Variants in TCF4 observed in about 807,000 individuals in gnomAD.
TCF4 encodes the protein transcription factor 4.
TCF4 carries 3 observed loss-of-function variants against 82.1 expected under a neutral mutation model. That is an observed-to-expected ratio of 0.04 (90% CI 0.02 to 0.09). The LOEUF (loss-of-function observed/expected upper bound fraction) is 0.09. Ranked by LOEUF, TCF4 falls within the 10% of genes least tolerant of loss-of-function variation. The pLI, the probability that TCF4 is intolerant of heterozygous loss-of-function variation, is 1.00. For missense variants in TCF4, 518 were observed against 852.7 expected (o/e 0.61, Z 4.89); for synonymous variants, 276 against 309.6 (o/e 0.89, Z 1.14).
At chr18:55,359,421 T>C (rs1014679214) in intron 6 of TCF4, among the ~76,000 whole-genome samples, 5 of 152,236 alleles carry the variant, frequency 3.3e-5, no homozygotes, top group Non-Finnish European at 5.9e-5. Context: ...TAACTCTTTT[T>C]CCTCCTTTCT....
At chr18:55,302,662 G>A in intron 8 of TCF4, 1 of 1,466,942 alleles carries the variant, frequency 6.8e-7, no homozygotes, top group Non-Finnish European at 9.0e-7. Flanking sequence ...CCTGTGGCTG[G>A]CCTAGGGGTG....
chr18:55,297,821 G>C (rs1431614789), intron 8 of TCF4, among the ~76,000 whole-genome samples: 4 of 152,008 alleles, frequency 2.6e-5, no homozygotes, highest in Non-Finnish European at 5.9e-5. Context: ...TCCAAGGACA[G>C]TTTGAGTATC....
chr18:55,533,419 G>C (rs2097087628), intron 3 of TCF4, among the ~76,000 whole-genome samples: 1 of 152,138 alleles, frequency 6.6e-6, no homozygotes, highest in African/African-American at 2.4e-5. Context: ...AAGTCAGTCA[G>C]GGCAGGGTCT....
intron 10 of TCF4, among the ~76,000 whole-genome samples, chr18:55,274,173 C>T (rs560573526): frequency 7.9e-5 from 12 of 152,208 alleles, no homozygotes; most frequent in East Asian, 1.9e-4. Flanking sequence ...TTAGCCAAAA[C>T]GGATTCTAGC....
At chr18:55,519,395 C>A (rs1242194587) in intron 3 of TCF4, among the ~76,000 whole-genome samples, 2 of 149,514 alleles carry the variant, frequency 1.3e-5, no homozygotes, top group African/African-American at 4.9e-5. Flanking sequence ...GATGGTACCA[C>A]TGCACTTCAG....
chr18:55,232,320 A>G, intron 17 of TCF4, 189 bp downstream of exon 17: 1 of 631,994 alleles, frequency 1.6e-6, no homozygotes. Context: ...ATGCCAAAAC[A>G]GTTTAGGCTC....
intron 8 of TCF4, among the ~76,000 whole-genome samples, chr18:55,294,737 T>G (rs2066055505): frequency 6.6e-6 from 1 of 152,140 alleles, no homozygotes. Flanking sequence ...ATCTCTGACT[T>G]GCTATATTTA....
chr18:55,260,065 C>G (rs755908939), intron 12 of TCF4, 38 bp from the exon 13 acceptor site: 2 of 1,453,698 alleles, frequency 1.4e-6, no homozygotes, highest in South Asian at 1.1e-5. Context: ...CACCCTCATT[C>G]ATTAAAATAA....
intron 8 of TCF4, among the ~76,000 whole-genome samples, chr18:55,342,479 C>T (rs1296724039): frequency 1.3e-5 from 2 of 152,060 alleles, no homozygotes; most frequent in African/African-American, 4.8e-5. Context: ...ACAATACTTT[C>T]AAATAGTACA....
At chr18:55,538,850 C>T (rs1001367076) in intron 3 of TCF4, among the ~76,000 whole-genome samples, 4 of 151,996 alleles carry the variant, frequency 2.6e-5, no homozygotes, top group African/African-American at 7.3e-5. Flanking sequence ...AAGGAAGGTT[C>T]GGTATTTCTG....
chr18:55,552,351 T>C (rs533599271), intron 3 of TCF4, among the ~76,000 whole-genome samples: 85 of 152,356 alleles, frequency 5.6e-4, no homozygotes, highest in African/African-American at 2.0e-3. Context: ...AATCTTGACA[T>C]GTATGACATG....
At chr18:55,318,270 T>G (rs2074644794) in intron 8 of TCF4, among the ~76,000 whole-genome samples, 1 of 152,086 alleles carries the variant, frequency 6.6e-6, no homozygotes, top group Non-Finnish European at 1.5e-5. Context: ...AGATCAAAAT[T>G]TAGAGCTAGA....
chr18:55,389,214 T>C (rs1204329571), intron 6 of TCF4, among the ~76,000 whole-genome samples: 1 of 152,214 alleles, frequency 6.6e-6, no homozygotes, highest in Non-Finnish European at 1.5e-5. Context: ...TATTTAAATA[T>C]AGTAAGTTAC....
intron 3 of TCF4, among the ~76,000 whole-genome samples, chr18:55,555,599 C>T (rs919190316): frequency 2.0e-5 from 3 of 152,148 alleles, no homozygotes; most frequent in Admixed American, 6.5e-5. Flanking sequence ...AATCTGCCCA[C>T]TGAATATTTT....
At chr18:55,551,526 C>T (rs1472530257) in intron 3 of TCF4, 1 of 152,526 alleles carries the variant, frequency 6.6e-6, no homozygotes, top group Non-Finnish European at 1.5e-5. Flanking sequence ...GGAACCGAGC[C>T]TCTTCAGCAC....
intron 2 of TCF4, 193 bp from the exon 3 acceptor site, chr18:55,585,545 CTCTGT>C: frequency 1.5e-6 from 1 of 659,886 alleles, no homozygotes; most frequent in Non-Finnish European, 2.5e-6. Context: ...CCCATTATCA[CTCTGT>C]TCTTTCTTTT....
chr18:55,577,068 A>T (rs2097533943), intron 3 of TCF4, among the ~76,000 whole-genome samples: 1 of 146,100 alleles, frequency 6.8e-6, no homozygotes, highest in Non-Finnish European at 1.5e-5. Context: ...GCAGGTACTA[A>T]ATATATATAT....
intron 2 of TCF4, among the ~76,000 whole-genome samples, chr18:55,622,503 T>TAA (rs765415861): frequency 9.0e-5 from 10 of 110,562 alleles, no homozygotes; most frequent in Non-Finnish European, 1.1e-4. Context: ...GACTCAATCT[T>TAA]AAAAAAAAAA....
intron 8 of TCF4, among the ~76,000 whole-genome samples, chr18:55,316,753 G>T (rs910554576): frequency 6.6e-5 from 10 of 151,994 alleles, no homozygotes; most frequent in African/African-American, 2.2e-4. Flanking sequence ...TCAACTATTA[G>T]ATCTTTTTTC....
Sources: gnomAD v4.1 joint callset for allele counts (sites outside exome capture counted in the v4.1 genomes callset) on GRCh38, gnomAD v4.1.1 for gene constraint, MANE v1.5 for transcripts, NCBI Gene and HGNC (gene_info 2026-07-23, HGNC 2026-07-21) for gene names.